The following TACC1 variants were observed in gnomAD, a reference collection of about 807,000 sequenced individuals.
TACC1 encodes transforming acidic coiled-coil containing protein 1.
Under a neutral mutation model 84.4 loss-of-function variants are expected in TACC1, and 48 were observed. The ratio of observed to expected loss-of-function variants is 0.57; its 90% CI spans 0.45 to 0.72. TACC1 has a LOEUF of 0.72. Ranked by LOEUF, TACC1 falls within the 30% of genes least tolerant of loss-of-function variation. The pLI is 0.00. For synonymous variants in TACC1, 372 were observed against 376.3 expected (o/e 0.99, Z 0.13); for missense variants, 920 against 973.0 (o/e 0.95, Z 0.72).
intron 1 of TACC1, among the ~76,000 whole-genome samples, chr8:38,738,959 C>T (rs1474856729): frequency 2.6e-5 from 4 of 152,246 alleles, no homozygotes; most frequent in African/African-American, 7.2e-5. Context: ...GGCACAATCT[C>T]GGCTCACTGC....
chr8:38,836,636 A>G (rs1439841652), intron 7 of TACC1, among the ~76,000 whole-genome samples: 1 of 152,178 alleles, frequency 6.6e-6, no homozygotes, highest in Non-Finnish European at 1.5e-5. Context: ...GCCTAAAAAC[A>G]TTTGTAATTT....
intron 7 of TACC1, 138 bp downstream of exon 7, chr8:38,836,425 A>G (rs1240452374): frequency 8.3e-7 from 1 of 1,201,656 alleles, no homozygotes; most frequent in Non-Finnish European, 1.2e-6. Context: ...TTTAGGTCGT[A>G]AAAGGGCCCC....
intron 3 of TACC1, among the ~76,000 whole-genome samples, chr8:38,750,358 C>A (rs1342110981): frequency 6.6e-6 from 1 of 152,172 alleles, no homozygotes; most frequent in African/African-American, 2.4e-5. Context: ...CAGCTAACAT[C>A]CTACTACAAT....
rs1052784994 is a variant in TACC1 at position 38,851,191 on chromosome 8, C to A, written c.*3168C>A. On this transcript the variant is annotated 3_prime_UTR_variant, in exon 13 of 13. Coordinates refer to ENST00000317827, the MANE Select transcript of TACC1 (RefSeq NM_006283.3). ...TGGTGAAAAACCTAGGATTTGGCAG[C>A]CTTCCAGAATGGTATGGAATCTGAG... The A allele has an allele frequency of 6.6e-6, 1 of 152,190 alleles. No homozygotes were observed. The highest frequency in any genetic ancestry group is 1.5e-5 in the Non-Finnish European group (1 of 68,060). 9.4% of individuals were successfully genotyped at this position (152,190 alleles called of 1,614,324 possible).
intron 3 of TACC1, among the ~76,000 whole-genome samples, chr8:38,768,488 C>A (rs975183403): frequency 1.3e-5 from 2 of 152,202 alleles, no homozygotes; most frequent in African/African-American, 2.4e-5. Context: ...GTGGCTACTG[C>A]GGCTTCCGGC....
chr8:38,840,291 G>T (rs1830996880), intron 9 of TACC1, 24 bp downstream of exon 9: 2 of 1,603,606 alleles, frequency 1.2e-6, no homozygotes, highest in Non-Finnish European at 1.7e-6. Context: ...TTTGTTTTTT[G>T]AGGGTATGAG....
chr8:38,827,082 G>T, intron 4 of TACC1, 86 bp from the exon 5 acceptor site: 1 of 1,164,222 alleles, frequency 8.6e-7, no homozygotes. Flanking sequence ...ATGGAGTTGT[G>T]TCTACTTTGT....
chr8:38,729,297 C>T (rs1251439559), intron 1 of TACC1, among the ~76,000 whole-genome samples: 7 of 152,218 alleles, frequency 4.6e-5, no homozygotes, highest in Admixed American at 4.6e-4. Flanking sequence ...GGCCCTTGAG[C>T]ATCAGTGCCC....
intron 3 of TACC1, among the ~76,000 whole-genome samples, chr8:38,822,032 G>T (rs966787191): frequency 6.6e-6 from 1 of 151,958 alleles, no homozygotes; most frequent in African/African-American, 2.4e-5. Context: ...ACCAGCCTGG[G>T]CAACATAGTG....
In TACC1 at chr8:38,836,188, G is replaced by A; in HGVS notation, c.1740G>A (p.Lys580=). 6.2e-7 allele frequency: 1 copy of A among 1,613,384 alleles called. No individual in the cohort carries two copies. Residue 580 remains lysine, a synonymous_variant, in exon 7 of 13, where the codon AAG becomes AAA. Transcript: ENST00000317827. The stretch of plus-strand genomic sequence containing the variant: ...GGCTGCTGGAGTCCTCTGCAGAGAA[G>A]GCCCCTGTGTCGGTGTCCTGTGGAG... ...VLGLLESSAE[K]APVSVSCGGE...
At chr8:38,742,344 C>T in intron 1 of TACC1, 1 of 1,317,926 alleles carries the variant, frequency 7.6e-7, no homozygotes, top group Non-Finnish European at 1.0e-6. Context: ...ACTTAATTCT[C>T]TTCCAGTCCC....
At chr8:38,730,984 C>T (rs1207026239) in intron 1 of TACC1, among the ~76,000 whole-genome samples, 2 of 152,038 alleles carry the variant, frequency 1.3e-5, no homozygotes, top group Non-Finnish European at 2.9e-5. Context: ...TGCAGTGGTA[C>T]AGTCCTAGTT....
chr8:38,847,554 G>C (rs1832544073), intron 12 of TACC1, among the ~76,000 whole-genome samples: 1 of 152,144 alleles, frequency 6.6e-6, no homozygotes, highest in African/African-American at 2.4e-5. Flanking sequence ...TTATCACAGG[G>C]TCTGTTAGCC....
chr8:38,852,258 TTATATAAA>T lies in TACC1; in HGVS notation c.*4242_*4249del. 1 of 252,564 alleles carries T rather than the reference TTATATAAA, an allele frequency of 4.0e-6. No homozygotes were observed. The highest frequency in any genetic ancestry group is 9.2e-5 in the East Asian group (1 of 10,836). The allele number at this position is 252,564 out of a possible 1,614,324, so 15.6% of individuals were successfully genotyped here. On this transcript the variant is annotated 3_prime_UTR_variant, in exon 13 of 13. Coordinates refer to ENST00000317827, the MANE Select transcript of TACC1 (RefSeq NM_006283.3). The stretch of plus-strand genomic sequence containing the variant: ...ATTAACTATAATATGGTTACAGCTA[TTATATAAA>T]TATATATTCTGGTTATAGTTCTAAT...
At chr8:38,757,310 G>T (rs961397892) in intron 3 of TACC1, 3 of 1,265,934 alleles carry the variant, frequency 2.4e-6, no homozygotes, top group African/African-American at 3.2e-5. Context: ...GGAGGGTGCA[G>T]CCCCGGCCCC....
In TACC1 at chr8:38,838,523, C is replaced by G. The variant is rs777866032; in HGVS notation, c.1893C>G (p.Thr631=). 51 of 1,613,488 alleles carry G rather than the reference C, an allele frequency of 3.2e-5. No homozygotes were observed. Among genetic ancestry groups the G allele is most frequent in the Non-Finnish European group, 4.2e-5 (49 of 1,179,778 alleles). ...AATGGAAGAAGAAATACGAAGAGACCCGGCAAGAAGTTTTGGAGATGAGGT... is the reference window on the plus strand; with the variant it reads ...AATGGAAGAAGAAATACGAAGAGACGCGGCAAGAAGTTTTGGAGATGAGGT... ...ANEWKKKYEE[T]RQEVLEMRKI... is the part of the protein sequence containing the mutation. The change falls in exon 8 of 13, where the codon ACC becomes ACG. Residue 631 remains threonine (T), a synonymous_variant. Coordinates refer to ENST00000317827, the MANE Select transcript of TACC1 (RefSeq NM_006283.3).
intron 3 of TACC1, among the ~76,000 whole-genome samples, chr8:38,774,302 T>A (rs62505811): frequency 0.2 from 30,347 of 152,192 alleles, 3,575 homozygotes; most frequent in Non-Finnish European, 0.27. Context: ...TATTTATTTG[T>A]TGGCTTACTA....
intron 1 of TACC1, among the ~76,000 whole-genome samples, chr8:38,737,873 A>T (rs191159160): frequency 6.6e-6 from 1 of 152,052 alleles, no homozygotes; most frequent in East Asian, 1.9e-4. Context: ...GATTACAAGC[A>T]TGTGCCTCCA....
In TACC1 at chr8:38,742,452, G is replaced by A. The variant is rs1417464241; in HGVS notation, c.-574+1G>A. 7.9e-6 allele frequency: 12 copies of A among 1,527,098 alleles called. No homozygotes were observed. The highest frequency in any genetic ancestry group is 1.2e-5 in the South Asian group (1 of 83,054). The allele number at this position is 1,527,098 out of a possible 1,614,324, so 94.6% of individuals were successfully genotyped here. A position where few individuals can be genotyped will look rare whatever the true frequency, so the allele number is the denominator to read the frequency against. On this transcript the variant is annotated splice_donor_variant, in intron 2 of 14. Transcript: ENST00000518415. LOFTEE classifies it low-confidence loss of function (5UTR_SPLICE). ...CAAATGCAAAGACAAACCATCAAAG[G>A]TAATTCTTTTCTTTGACATTGAATA... is the stretch of plus-strand genomic sequence containing the variant.
Sources: allele counts gnomAD v4.1 joint callset (sites outside exome capture counted in the v4.1 genomes callset), GRCh38; gene constraint gnomAD v4.1.1; transcripts MANE v1.5; gene names NCBI Gene and HGNC (gene_info 2026-07-23, HGNC 2026-07-21).